FGF13: variants seen among roughly 807,000 people sequenced by gnomAD.
The protein encoded by FGF13 is fibroblast growth factor homologous factor 2.
A neutral mutation model predicts 19.5 loss-of-function variants in FGF13; 2 were observed. That is an observed-to-expected ratio of 0.10 (90% CI 0.04 to 0.32). The LOEUF (loss-of-function observed/expected upper bound fraction) is 0.32. Among genes scored for constraint, FGF13 ranks in the 10% least tolerant of loss-of-function variants. The pLI, the probability that FGF13 is intolerant of heterozygous loss-of-function variation, is 1.00. For missense variants in FGF13, 113 were observed against 192.7 expected (o/e 0.59, Z 2.45); for synonymous variants, 72 against 76.9 (o/e 0.94, Z 0.33).
intron 1 of FGF13, among the ~76,000 whole-genome samples, chrX:139,180,180 C>G (rs2084227608): frequency 8.9e-6 from 1 of 112,014 alleles, no homozygotes; most frequent in African/African-American, 3.2e-5. Context: ...GGCATGTCTC[C>G]TCTGAATGCC....
At chrX:139,063,054 G>A (rs973670411) in intron 1 of FGF13, among the ~76,000 whole-genome samples, 2 of 111,621 alleles carry the variant, frequency 1.8e-5, no homozygotes, top group African/African-American at 6.5e-5. Context: ...AAAAATAAGA[G>A]AAAACCTCAT....
At chrX:139,094,850 T>C (rs1380735958) in intron 1 of FGF13, among the ~76,000 whole-genome samples, 1 of 111,940 alleles carries the variant, frequency 8.9e-6, no homozygotes, top group Non-Finnish European at 1.9e-5. Flanking sequence ...GCTTTTTATC[T>C]ACACAGTGAC....
chrX:139,165,597 G>A (rs2084078051), intron 1 of FGF13, among the ~76,000 whole-genome samples: 1 of 111,496 alleles, frequency 9.0e-6, no homozygotes, highest in Admixed American at 9.5e-5. Flanking sequence ...GAACAGGCCT[G>A]GGTGGCCTCC....
chrX:138,769,128 T>G, intron 3 of FGF13, among the ~76,000 whole-genome samples: 1 of 111,767 alleles, frequency 8.9e-6, no homozygotes, highest in Non-Finnish European at 1.9e-5. Flanking sequence ...CCATGACTAC[T>G]TGGCAAGTAG....
intron 1 of FGF13, among the ~76,000 whole-genome samples, chrX:139,159,812 C>T (rs2084013922): frequency 9.0e-6 from 1 of 111,190 alleles, no homozygotes; most frequent in African/African-American, 3.3e-5. Context: ...TATATGCACC[C>T]AATTAAGGAG....
chrX:139,035,727 C>T (rs2092248547), intron 1 of FGF13, among the ~76,000 whole-genome samples: 3 of 111,205 alleles, frequency 2.7e-5, no homozygotes. Flanking sequence ...TACTGAAGTA[C>T]AATTCAGAGA....
chrX:138,784,234 G>A (rs1218697367), intron 3 of FGF13, among the ~76,000 whole-genome samples: 3 of 100,241 alleles, frequency 3.0e-5, no homozygotes, highest in Non-Finnish European at 4.0e-5. Flanking sequence ...GTTAGTGGGT[G>A]CAGCGCACCA....
intron 1 of FGF13, among the ~76,000 whole-genome samples, chrX:138,916,154 G>C (rs2091617251): frequency 8.9e-6 from 1 of 111,820 alleles, no homozygotes; most frequent in South Asian, 3.8e-4. Context: ...AATTCGCAGT[G>C]AGTCGATTGC....
Position 138,629,220 on chromosome X carries a change from C to T in FGF13, c.*3630G>A, listed in dbSNP as rs930959711. ...ACCACTCTACTGCAATGTTAATAGA[C>T]GCTCCATGAAAATGTGGCTTTGTGG... On this transcript the variant is annotated 3_prime_UTR_variant, in exon 5 of 5. Transcript: ENST00000315930. The T allele has an allele frequency of 4.5e-5, 5 of 112,327 alleles. No homozygotes were observed. Among genetic ancestry groups the T allele is most frequent in the Non-Finnish European group, 9.4e-5 (5 of 53,276 alleles). 9.3% of individuals were successfully genotyped at this position (112,327 alleles called of 1,213,427 possible). A position where few individuals can be genotyped will look rare whatever the true frequency, so the allele number is the denominator to read the frequency against.
At chrX:139,201,399 T>C (rs975827027) in intron 1 of FGF13, among the ~76,000 whole-genome samples, 1 of 111,734 alleles carries the variant, frequency 8.9e-6, no homozygotes, top group African/African-American at 3.3e-5. Flanking sequence ...CCCTAACTGA[T>C]GGGGGTGGGA....
At chrX:138,978,145 C>T (rs774224970) in intron 1 of FGF13, among the ~76,000 whole-genome samples, 7 of 110,853 alleles carry the variant, frequency 6.3e-5, no homozygotes, top group Non-Finnish European at 5.7e-5. Context: ...CTTGATGGAC[C>T]GTCCATAACA....
chrX:139,167,336 CAA>C (rs370758513), intron 1 of FGF13, among the ~76,000 whole-genome samples: 34 of 111,481 alleles, frequency 3.0e-4, no homozygotes, highest in African/African-American at 1.1e-3. Context: ...TTAATTTAAT[CAA>C]GAGAAGATAT....
At chrX:139,014,475 A>T (rs1313207328) in intron 1 of FGF13, among the ~76,000 whole-genome samples, 3 of 111,678 alleles carry the variant, frequency 2.7e-5, no homozygotes, top group African/African-American at 9.7e-5. Context: ...TATTCCAATA[A>T]ATTGGAAAAT....
chrX:138,945,257 G>A (rs1266799722), intron 1 of FGF13, among the ~76,000 whole-genome samples: 1 of 110,944 alleles, frequency 9.0e-6, no homozygotes, highest in East Asian at 2.8e-4. Flanking sequence ...AAGACTACGT[G>A]CGACATGCAT....
chrX:138,763,327 A>G (rs1193250961), intron 3 of FGF13, among the ~76,000 whole-genome samples: 1 of 110,671 alleles, frequency 9.0e-6, no homozygotes, highest in Non-Finnish European at 1.9e-5. Context: ...GGTTTCCCCT[A>G]TTTGGGTGGA....
intron 1 of FGF13, among the ~76,000 whole-genome samples, chrX:138,891,855 C>T (rs1472388960): frequency 9.0e-6 from 1 of 110,614 alleles, no homozygotes; most frequent in African/African-American, 3.3e-5. Flanking sequence ...CTTCCTGCCC[C>T]CAAACATCTA....
At chrX:138,958,018 T>A (rs1456300776) in intron 1 of FGF13, among the ~76,000 whole-genome samples, 3 of 111,928 alleles carry the variant, frequency 2.7e-5, no homozygotes, top group African/African-American at 9.7e-5. Context: ...ATGCTTTATT[T>A]CTTTCTCCTG....
upstream of FGF13, chrX:138,714,654 C>A (rs773002801): frequency 9.0e-6 from 1 of 110,973 alleles, no homozygotes; most frequent in Non-Finnish European, 1.9e-5. Flanking sequence ...CACGCACACA[C>A]GCGCGCGCAC....
At chrX:138,794,118 T>C (rs1355228079) in intron 3 of FGF13, among the ~76,000 whole-genome samples, 2 of 111,291 alleles carry the variant, frequency 1.8e-5, no homozygotes, top group Non-Finnish European at 1.9e-5. Context: ...GTGGGGGAAA[T>C]GGTGAAATCC....
Sources: gnomAD v4.1 joint callset for allele counts (sites outside exome capture counted in the v4.1 genomes callset) on GRCh38, gnomAD v4.1.1 for gene constraint, MANE v1.5 for transcripts, NCBI Gene and HGNC (gene_info 2026-07-23, HGNC 2026-07-21) for gene names.